GATB: variants seen among roughly 807,000 people sequenced by gnomAD.
GATB encodes glutamyl-tRNA amidotransferase subunit B.
A neutral mutation model predicts 62.3 loss-of-function variants in GATB; 39 were observed. The ratio of observed to expected loss-of-function variants is 0.63; its 90% CI spans 0.48 to 0.82. The LOEUF (loss-of-function observed/expected upper bound fraction) is 0.82. Ranked by LOEUF, GATB falls within the 40% of genes least tolerant of loss-of-function variation. The pLI, the probability that GATB is intolerant of heterozygous loss-of-function variation, is 0.00. For synonymous variants in GATB, 276 were observed against 258.9 expected, an observed-to-expected ratio of 1.07 and a Z score of -0.63; for missense variants, 670 against 684.0, an observed-to-expected ratio of 0.98 and a Z score of 0.23.
intron 2 of GATB, among the ~76,000 whole-genome samples, chr4:151,746,914 A>C (rs1190235797): frequency 2.0e-5 from 3 of 152,126 alleles, no homozygotes; most frequent in African/African-American, 7.2e-5. Flanking sequence ...CCCAGAGCCA[A>C]GCTCAAAGCA....
chr4:151,729,806 GAGA>G (rs1739207772), intron 2 of GATB, among the ~76,000 whole-genome samples: 1 of 152,194 alleles, frequency 6.6e-6, no homozygotes, highest in African/African-American at 2.4e-5. Flanking sequence ...TAACTATGAA[GAGA>G]AGAAGGAGAG....
At chr4:151,687,069 C>T (rs60618075) in intron 10 of GATB, 20,698 of 152,456 alleles carry the variant, frequency 0.14, 1,587 homozygotes, top group African/African-American at 0.21. Context: ...TTCAAGGCTG[C>T]CTGTGCTTTG....
intron 2 of GATB, among the ~76,000 whole-genome samples, chr4:151,743,291 T>C (rs1288298762): frequency 6.6e-6 from 1 of 152,112 alleles, no homozygotes; most frequent in Non-Finnish European, 1.5e-5. Context: ...GCTAATTAGG[T>C]GAGATTTCCT....
At chr4:151,698,426 C>G (rs115192365) in intron 9 of GATB, among the ~76,000 whole-genome samples, 3 of 152,064 alleles carry the variant, frequency 2.0e-5, no homozygotes, top group Admixed American at 2.0e-4. Context: ...ATTTAATAAG[C>G]AATCCAAAGA....
chr4:151,704,023 C>T, intron 7 of GATB, 128 bp from the exon 8 acceptor site: 1 of 603,858 alleles, frequency 1.7e-6, no homozygotes, highest in Non-Finnish European at 3.0e-6. Context: ...CATGGGGAAA[C>T]CTTAAATGAA....
chr4:151,754,604 T>C (rs1739787432), intron 2 of GATB, among the ~76,000 whole-genome samples: 2 of 152,338 alleles, frequency 1.3e-5, no homozygotes, highest in South Asian at 4.1e-4. Flanking sequence ...GAATGAAATG[T>C]CTACAGAAAG....
chr4:151,672,671 G>T (rs1737898744), intron 12 of GATB, 91 bp downstream of exon 12: 1 of 1,378,008 alleles, frequency 7.3e-7, no homozygotes, highest in Non-Finnish European at 9.9e-7. Context: ...TTCTTAGGAA[G>T]AGCCTCTGGG....
chr4:151,717,052 T>C lies in GATB; in HGVS notation c.464A>G (p.Gln155Arg). The change falls in exon 4 of 13, where the codon CAG becomes CGG. Residue 155 changes from glutamine to arginine, a missense_variant. Gln to Arg is a conservative substitution (Grantham distance 43). Transcript: ENST00000263985. ...DLPAGYQITQ[Q>R]RLPIAVNGSL... ...CCCATTCACAGCAATTGGGAGCCTC[T>C]GCTGGGTAATTTGGTAGCCTGCCTG... The C allele has an allele frequency of 6.2e-7, 1 of 1,614,190 alleles. No homozygotes were observed. Among genetic ancestry groups the C allele is most frequent in the Non-Finnish European group, 8.5e-7 (1 of 1,180,036 alleles).
chr4:151,671,885 C>T (rs1320537262), intron 12 of GATB, among the ~76,000 whole-genome samples: 11 of 152,126 alleles, frequency 7.2e-5, no homozygotes, highest in Non-Finnish European at 1.3e-4. Flanking sequence ...ACTCTTAGGG[C>T]CACCACGTGA....
intron 2 of GATB, among the ~76,000 whole-genome samples, chr4:151,742,168 A>G (rs1396539896): frequency 2.0e-5 from 3 of 150,126 alleles, no homozygotes; most frequent in Non-Finnish European, 4.4e-5. Flanking sequence ...GGCTCACTGC[A>G]AGCTCTGCAT....
chr4:151,681,979 A>T (rs28656459), intron 10 of GATB, among the ~76,000 whole-genome samples: 5,231 of 152,258 alleles, frequency 0.034, 295 homozygotes, highest in African/African-American at 0.12. Context: ...GGATTTCAAC[A>T]CAGGAATTTG....
intron 8 of GATB, 27 bp downstream of exon 8, chr4:151,703,824 C>T (rs1246920492): frequency 1.5e-5 from 22 of 1,486,532 alleles, no homozygotes; most frequent in East Asian, 9.0e-5. Flanking sequence ...CGATATATAG[C>T]GGTATTTTGC....
At position 151,672,666 on chromosome 4, in the gene GATB, A is replaced by C. The variant is rs559350243; in HGVS notation, c.1545+96T>G. 1.0e-4 allele frequency: 134 copies of C among 1,337,518 alleles called. 1 individual carries two copies. The African/African-American group carries it at 1.8e-3, about 18-fold the overall frequency. 82.9% of individuals were successfully genotyped at this position (1,337,518 alleles called of 1,614,324 possible). ...TGATGAAACTGGGTCAGCCATTCTT[A>C]GGAAGAGCCTCTGGGCTGCCACAGG... On this transcript the variant is annotated intron_variant, in intron 12 of 12. Transcript: ENST00000263985.
At chr4:151,681,315 G>A (rs751039546) in intron 10 of GATB, among the ~76,000 whole-genome samples, 1 of 152,180 alleles carries the variant, frequency 6.6e-6, no homozygotes, top group African/African-American at 2.4e-5. Context: ...CCCAAAGTAT[G>A]ACTAAAAGGC....
intron 7 of GATB, 76 bp downstream of exon 7, chr4:151,705,109 G>A: frequency 2.1e-6 from 2 of 954,322 alleles, no homozygotes; most frequent in Non-Finnish European, 3.4e-6. Flanking sequence ...AAGGTCACAT[G>A]GCTGGTCAGT....
intron 2 of GATB, among the ~76,000 whole-genome samples, chr4:151,757,234 G>C (rs949608708): frequency 6.6e-6 from 1 of 152,108 alleles, no homozygotes; most frequent in African/African-American, 2.4e-5. Flanking sequence ...CTCCCAGAGG[G>C]ACCCAGCAGC....
At position 151,730,712 on chromosome 4, in the gene GATB, A is replaced by G. The variant is rs1310312864; in HGVS notation, c.328-11174T>C. On this transcript the variant is annotated intron_variant, in intron 2 of 12. Transcript: ENST00000263985. The surrounding 1 kb of genome is among the most constrained non-coding windows in gnomAD (Gnocchi z 4.1). ...TCAGCTCAAAGGAAGCCACATCCAC[A>G]GGAAAAGGGAGAGAATATTATTACA... 1.3e-5 allele frequency among the ~76,000 whole-genome samples: 2 copies of G among 152,242 alleles called. No individual in the cohort carries two copies. The highest frequency in any genetic ancestry group is 2.9e-5 in the Non-Finnish European group (2 of 68,044).
At chr4:151,726,529 C>T (rs1739140919) in intron 2 of GATB, among the ~76,000 whole-genome samples, 1 of 152,218 alleles carries the variant, frequency 6.6e-6, no homozygotes, top group Non-Finnish European at 1.5e-5. Context: ...TCCTTAAGCA[C>T]AGGCATTGCC....
chr4:151,713,753 G>A (rs537762667), intron 5 of GATB, among the ~76,000 whole-genome samples: 5 of 152,218 alleles, frequency 3.3e-5, no homozygotes, highest in Admixed American at 2.6e-4. Context: ...CATCTGTGAT[G>A]GTCATGACAC....
Sources: allele counts gnomAD v4.1 joint callset (sites outside exome capture counted in the v4.1 genomes callset), GRCh38; gene constraint gnomAD v4.1.1; non-coding constraint Gnocchi (gnomAD v3.1); transcripts MANE v1.5; gene names NCBI Gene and HGNC (gene_info 2026-07-23, HGNC 2026-07-21).